Variants in PKD1L1 observed in about 807,000 individuals in gnomAD.
The protein encoded by PKD1L1 is polycystin 1 like 1, transient receptor potential channel interacting.
In PKD1L1, 236 loss-of-function variants were observed where a neutral mutation model predicts 323.4. The observed-to-expected ratio is 0.73, with a 90% CI of 0.66 to 0.81. PKD1L1 has a LOEUF of 0.81. Among genes scored for constraint, PKD1L1 ranks in the 40% least tolerant of loss-of-function variants. The pLI is 0.00. For synonymous variants in PKD1L1, 1,344 were observed against 1,335.0 expected (o/e 1.01, Z -0.15); for missense variants, 3,320 against 3,508.0 (o/e 0.95, Z 1.35).
At chr7:47,832,907 A>C (rs1286197498) in intron 41 of PKD1L1, among the ~76,000 whole-genome samples, 183 bp downstream of exon 41, 1 of 152,286 alleles carries the variant, frequency 6.6e-6, no homozygotes, top group Non-Finnish European at 1.5e-5. Context: ...GCCAGAAAGC[A>C]CCAAGACTTT....
intron 55 of PKD1L1, among the ~76,000 whole-genome samples, chr7:47,794,388 A>G (rs1307381678): frequency 6.6e-6 from 1 of 152,166 alleles, no homozygotes; most frequent in Non-Finnish European, 1.5e-5. Flanking sequence ...GAAAGGGGCC[A>G]TTGTACAACT....
chr7:47,839,419 A>G lies in PKD1L1; in HGVS notation c.5769+27T>C. 6.3e-7 allele frequency: 1 copy of G among 1,576,504 alleles called. No homozygotes were observed. The highest frequency in any genetic ancestry group is 8.6e-7 in the Non-Finnish European group (1 of 1,156,648). On this transcript the variant is annotated intron_variant, in intron 36 of 56. Coordinates refer to ENST00000289672, the MANE Select transcript of PKD1L1 (RefSeq NM_138295.5). This position sits in a 1 kb window ranked among gnomAD's most constrained non-coding sequence, Gnocchi z 4.3. The stretch of plus-strand genomic sequence containing the variant: ...GCTCTGCCGGTCAGCCAGGTGCGCC[A>G]CGAGAGGCCACCTGGAGGGAGCCTA...
At chr7:47,949,368 CAAAAAAAAA>C (rs58131581), upstream of PKD1L1, among the ~76,000 whole-genome samples, 4 of 57,134 alleles carry the variant, frequency 7.0e-5, no homozygotes, top group African/African-American at 2.0e-4. Flanking sequence ...GGCTCTGTCT[CAAAAAAAAA>C]AAAAAAAAAA....
intron 23 of PKD1L1, among the ~76,000 whole-genome samples, chr7:47,874,445 C>T (rs1786356811): frequency 6.6e-6 from 1 of 152,154 alleles, no homozygotes. Flanking sequence ...AAGATCGACG[C>T]CCAGGTGTGC....
At chr7:47,905,424 G>C (rs144725545) in intron 10 of PKD1L1, 99 bp from the exon 11 acceptor site, 3 of 1,294,216 alleles carry the variant, frequency 2.3e-6, no homozygotes, top group Non-Finnish European at 3.2e-6. Flanking sequence ...TCATGGGCTT[G>C]AGTGATGGTG....
intron 44 of PKD1L1, 86 bp downstream of exon 44, chr7:47,829,339 T>C (rs76381579): frequency 0.048 from 63,755 of 1,334,134 alleles, 1,970 homozygotes; most frequent in South Asian, 0.13. Context: ...CCAATCTGAA[T>C]TCAAAGCCTA....
intron 36 of PKD1L1, among the ~76,000 whole-genome samples, chr7:47,837,512 T>G (rs1414725774): frequency 6.6e-6 from 1 of 152,146 alleles, no homozygotes; most frequent in Non-Finnish European, 1.5e-5. Flanking sequence ...CTCAAATGCC[T>G]TCACTCCCAG....
intron 26 of PKD1L1, among the ~76,000 whole-genome samples, chr7:47,859,223 T>A (rs1785971953): frequency 6.6e-6 from 1 of 152,144 alleles, no homozygotes; most frequent in Non-Finnish European, 1.5e-5. Flanking sequence ...TGTTATTTGT[T>A]TTAAACCCCA....
At chr7:47,783,228 CA>C (rs879462200) in intron 56 of PKD1L1, among the ~76,000 whole-genome samples, 60 of 152,124 alleles carry the variant, frequency 3.9e-4, no homozygotes, top group African/African-American at 1.3e-3. Context: ...TGATCTTTTC[CA>C]CAGTCAAATA....
chr7:47,922,662 C>A (rs1203021525), intron 7 of PKD1L1, among the ~76,000 whole-genome samples: 4 of 151,738 alleles, frequency 2.6e-5, no homozygotes, highest in Non-Finnish European at 5.9e-5. Context: ...AAGTGAGGAG[C>A]CCCTCCGCCC....
chr7:47,873,014 C>T (rs2128745012), intron 24 of PKD1L1, among the ~76,000 whole-genome samples: 1 of 152,262 alleles, frequency 6.6e-6, no homozygotes, highest in East Asian at 1.9e-4. Context: ...TATTTTGCTA[C>T]ATAGATGAAA....
intron 37 of PKD1L1, among the ~76,000 whole-genome samples, chr7:47,836,136 T>C (rs1156968383): frequency 2.6e-5 from 4 of 152,238 alleles, no homozygotes; most frequent in South Asian, 4.1e-4. Context: ...TTATCCTCTT[T>C]TTACAAATTC....
chr7:47,840,543 T>C lies in PKD1L1; in HGVS notation c.5470A>G (p.Asn1824Asp), dbSNP rs138786291. The C allele has an allele frequency of 6.2e-6, 10 of 1,613,962 alleles. No individual in the cohort carries two copies. In the African/African-American group the frequency reaches 1.1e-4, roughly 17 times the overall value. ...AGCTCCTTGGTTTCTGACAGTCCAT[T>C]GTCGCCACATAAAACAATGTACACC... ...SKVYIVLCGD[N>D]GLSETKELSC... is the part of the protein sequence containing the mutation. The change falls in exon 35 of 57, where the codon AAT becomes GAT. Residue 1824 changes from asparagine (N) to aspartate (D), a missense_variant. By Grantham distance (23) the Asn-to-Asp change is conservative. Coordinates refer to ENST00000289672, the MANE Select transcript of PKD1L1 (RefSeq NM_138295.5). The surrounding 1 kb of genome is among the most constrained non-coding windows in gnomAD (Gnocchi z 4.1).
chr7:47,915,603 T>C lies in PKD1L1; in HGVS notation c.1061-4A>G. On this transcript the variant is annotated splice_region_variant and splice_polypyrimidine_tract_variant and intron_variant, in intron 7 of 56. Transcript: ENST00000289672. ...TGTAAAAGATGAAAAAAAATACCTA[T>C]AAAAGCAAAAAGAAGAAAATAAAGA... is the stretch of plus-strand genomic sequence containing the variant. 6.7e-7 allele frequency: 1 copy of C among 1,489,334 alleles called. No homozygotes were observed. Among genetic ancestry groups the C allele is most frequent in the South Asian group, 1.2e-5 (1 of 81,166 alleles). The allele number at this position is 1,489,334 out of a possible 1,614,324, so 92.3% of individuals were successfully genotyped here.
Position 47,854,959 on chromosome 7 carries a change from G to A in PKD1L1, c.4782C>T (p.Asn1594=), listed in dbSNP as rs774860223. ...NLHQFTELSE[N]PQESLQIEIE... ...TTTCTATCTGTAGAGATTCCTGGGG[G>A]TTTTCGGAAAGCTCAGTGAACTGAT... Residue 1594 remains asparagine, a synonymous_variant, in exon 30 of 57, where the codon AAC becomes AAT. Transcript: ENST00000289672. 2.5e-6 allele frequency: 4 copies of A among 1,614,020 alleles called. No homozygotes were observed. The highest frequency in any genetic ancestry group is 2.2e-5 in the South Asian group (2 of 91,004).
intron 40 of PKD1L1, 92 bp downstream of exon 40, chr7:47,834,247 G>C: frequency 1.5e-6 from 2 of 1,323,566 alleles, no homozygotes; most frequent in Non-Finnish European, 2.1e-6. Flanking sequence ...CCCATCCATG[G>C]CCAGACCATA....
chr7:47,792,311 TG>T lies in PKD1L1; in HGVS notation c.8526+315del, dbSNP rs112795726. The stretch of plus-strand genomic sequence containing the variant: ...GGTCACATTCTGGGCCATAGATTTC[TG>T]GGTTTTTTTTTGTTTCTGGGAAGAT... On this transcript the variant is annotated intron_variant, in intron 56 of 56. Coordinates refer to ENST00000289672, the MANE Select transcript of PKD1L1 (RefSeq NM_138295.5). Among the ~76,000 whole-genome samples the T allele has an allele frequency of 1.8e-4, 27 of 149,968 alleles. 1 individual carries two copies. Among genetic ancestry groups the T allele is most frequent in the Non-Finnish European group, 2.7e-4 (18 of 67,052 alleles).
chr7:47,876,345 G>A (rs951857060), intron 22 of PKD1L1, 128 bp from the exon 23 acceptor site: 35 of 1,118,304 alleles, frequency 3.1e-5, no homozygotes, highest in African/African-American at 2.2e-4. Context: ...AAGAGGGTAA[G>A]TGACAGGTAA....
chr7:47,924,857 C>T (rs1787627899), intron 7 of PKD1L1, among the ~76,000 whole-genome samples: 1 of 152,094 alleles, frequency 6.6e-6, no homozygotes, highest in Non-Finnish European at 1.5e-5. Flanking sequence ...CCGACATGCC[C>T]ATCATCATCA....
Sources: gnomAD v4.1 joint callset for allele counts (sites outside exome capture counted in the v4.1 genomes callset) on GRCh38, gnomAD v4.1.1 for gene constraint, Gnocchi (gnomAD v3.1) non-coding constraint, MANE v1.5 for transcripts, NCBI Gene and HGNC (gene_info 2026-07-23, HGNC 2026-07-21) for gene names.